LARP4: variants seen among roughly 807,000 people sequenced by gnomAD.
LARP4 encodes the protein La ribonucleoprotein 4, also known as la-related protein 4.
In LARP4, 29 loss-of-function variants were observed where a neutral mutation model predicts 92.9. That is an observed-to-expected ratio of 0.31 (90% CI 0.23 to 0.43). The LOEUF is 0.43. LARP4 is among the 20% of genes least tolerant of loss of function. LARP4 has a pLI of 1.00. For missense variants in LARP4, 732 were observed against 860.0 expected, an observed-to-expected ratio of 0.85 and a Z score of 1.86; for synonymous variants, 279 against 284.1, an observed-to-expected ratio of 0.98 and a Z score of 0.18.
At chr12:50,426,685 GTGTGTGTGTGTGTGTGTGTGTGT>G (rs1425586406) in intron 1 of LARP4, among the ~76,000 whole-genome samples, 4 of 34,202 alleles carry the variant, frequency 1.2e-4, no homozygotes, top group African/African-American at 2.2e-4. Context: ...TATGTTTGGG[GTGTGTGTGTGTGTGTGTGTGTGT>G]GTGTGTGTGT....
At chr12:50,468,562 G>C (rs1247315734) in intron 13 of LARP4, among the ~76,000 whole-genome samples, 3 of 152,082 alleles carry the variant, frequency 2.0e-5, no homozygotes, top group Non-Finnish European at 4.4e-5. Flanking sequence ...CTCCCAAAGT[G>C]CTGGGATTAC....
At chr12:50,462,363 C>G (rs1450381155) in intron 11 of LARP4, among the ~76,000 whole-genome samples, 1 of 151,964 alleles carries the variant, frequency 6.6e-6, no homozygotes, top group Non-Finnish European at 1.5e-5. Flanking sequence ...GCCTGTAATT[C>G]CAGCTACTCA....
rs1039294577 is a variant in LARP4 at position 50,441,613 on chromosome 12, A to C, written c.774A>C (p.Glu258Asp). The change falls in exon 8 of 16, where the codon GAA (glutamate) becomes GAC (aspartate). Residue 258 changes from glutamate to aspartate, a missense_variant. Coordinates refer to ENST00000398473, the MANE Select transcript of LARP4 (RefSeq NM_052879.5). The part of the protein sequence containing the change: ...AQQAFKYLRE[E>D]VKTFQGKPIM... ...AGGCTTTTAAATACTTAAGAGAAGA[A>C]GTTAAAACATTTCAGGGCAAGCCAA... 4 of 1,601,876 alleles carry C rather than the reference A, an allele frequency of 2.5e-6. No homozygotes were observed. The highest frequency in any genetic ancestry group is 3.4e-6 in the Non-Finnish European group (4 of 1,176,148).
chr12:50,449,803 A>G (rs1306187685), intron 8 of LARP4, among the ~76,000 whole-genome samples: 1 of 151,102 alleles, frequency 6.6e-6, no homozygotes, highest in Non-Finnish European at 1.5e-5. Flanking sequence ...TTGATTTTTT[A>G]GCCAATTTTT....
chr12:50,445,839 A>T (rs960361735), intron 8 of LARP4, among the ~76,000 whole-genome samples: 3 of 152,134 alleles, frequency 2.0e-5, no homozygotes, highest in African/African-American at 7.2e-5. Context: ...AATGTTATCC[A>T]TGAATATATG....
At chr12:50,458,981 T>C (rs1279792540) in intron 10 of LARP4, among the ~76,000 whole-genome samples, 4 of 152,128 alleles carry the variant, frequency 2.6e-5, no homozygotes, top group South Asian at 2.1e-4. Context: ...GATGGATGTT[T>C]AGTAAGATGC....
At chr12:50,408,186 G>GC (rs1555224523) in intron 1 of LARP4, among the ~76,000 whole-genome samples, 17 of 65,522 alleles carry the variant, frequency 2.6e-4, no homozygotes, top group East Asian at 7.2e-4. Flanking sequence ...AGGATTTTCT[G>GC]CTTTTTTTTT....
chr12:50,448,860 A>G (rs1301884576), intron 8 of LARP4, among the ~76,000 whole-genome samples: 2 of 152,214 alleles, frequency 1.3e-5, no homozygotes, highest in South Asian at 2.1e-4. Flanking sequence ...CAATATCATC[A>G]TTAGACTTTT....
intron 6 of LARP4, among the ~76,000 whole-genome samples, chr12:50,439,955 T>G (rs1418512199): frequency 6.6e-6 from 1 of 152,196 alleles, no homozygotes; most frequent in Non-Finnish European, 1.5e-5. Context: ...GCAAAGCAAC[T>G]GGATTAAATG....
chr12:50,471,723 G>A (rs887004898), intron 13 of LARP4, among the ~76,000 whole-genome samples: 3 of 152,126 alleles, frequency 2.0e-5, no homozygotes. Flanking sequence ...GTTTCGTCTT[G>A]TTGGCCAGGC....
At chr12:50,449,681 T>G (rs1187992539) in intron 8 of LARP4, among the ~76,000 whole-genome samples, 1 of 152,178 alleles carries the variant, frequency 6.6e-6, no homozygotes, top group Non-Finnish European at 1.5e-5. Flanking sequence ...TCTCTATCTA[T>G]TTTTCATTTA....
intron 10 of LARP4, among the ~76,000 whole-genome samples, chr12:50,456,251 T>C (rs1299988746): frequency 6.6e-6 from 1 of 152,320 alleles, no homozygotes; most frequent in Middle Eastern, 3.4e-3. Flanking sequence ...AGTATACCTA[T>C]GGTTTTGAAA....
In LARP4 at chr12:50,478,654, A is replaced by G. The variant is rs968331234; in HGVS notation, c.*2790A>G. ...GATACTCTGCCATAGTTCTTACTGCATGAAGAGAACAAGAGTCACACAAGT... is the reference window on the plus strand; with the variant it reads ...GATACTCTGCCATAGTTCTTACTGCGTGAAGAGAACAAGAGTCACACAAGT... On this transcript the variant is annotated 3_prime_UTR_variant, in exon 16 of 16. Coordinates refer to ENST00000398473, the MANE Select transcript of LARP4 (RefSeq NM_052879.5). 1.3e-5 allele frequency: 2 copies of G among 152,166 alleles called. No homozygotes were observed. Among genetic ancestry groups the G allele is most frequent in the African/African-American group, 2.4e-5 (1 of 41,460 alleles). The allele number at this position is 152,166 out of a possible 1,614,324, so 9.4% of individuals were successfully genotyped here.
intron 8 of LARP4, among the ~76,000 whole-genome samples, chr12:50,446,159 C>T (rs1025879177): frequency 1.9e-4 from 28 of 150,540 alleles, no homozygotes; most frequent in African/African-American, 6.6e-4. Flanking sequence ...CCTGCCATCA[C>T]GCTTGGCTGA....
chr12:50,457,201 C>CTT (rs780762988), intron 10 of LARP4, among the ~76,000 whole-genome samples: 8,951 of 119,058 alleles, frequency 0.075, 930 homozygotes, highest in East Asian at 0.37. Context: ...CATACCCGGC[C>CTT]TTTTTTTTTT....
chr12:50,433,471 T>C (rs556455831), intron 4 of LARP4, among the ~76,000 whole-genome samples: 4 of 152,240 alleles, frequency 2.6e-5, no homozygotes, highest in Non-Finnish European at 4.4e-5. Flanking sequence ...TTAGATGTTA[T>C]ATCCATTAAT....
chr12:50,426,484 A>G (rs1225394253), intron 1 of LARP4, among the ~76,000 whole-genome samples: 1 of 152,130 alleles, frequency 6.6e-6, no homozygotes, highest in Non-Finnish European at 1.5e-5. Context: ...TCCTGTGGGT[A>G]CAAAACAGGT....
At chr12:50,426,685 GT>G (rs1454029564) in intron 1 of LARP4, among the ~76,000 whole-genome samples, 8,861 of 34,126 alleles carry the variant, frequency 0.26, 1,002 homozygotes, top group African/African-American at 0.46. Flanking sequence ...TATGTTTGGG[GT>G]GTGTGTGTGT....
At chr12:50,412,503 T>A in intron 1 of LARP4, 1 of 715,166 alleles carries the variant, frequency 1.4e-6, no homozygotes, top group Non-Finnish European at 1.7e-6. Flanking sequence ...TTTTACCATA[T>A]TTATGGTGAT....
Sources: allele counts gnomAD v4.1 joint callset (sites outside exome capture counted in the v4.1 genomes callset), GRCh38; gene constraint gnomAD v4.1.1; transcripts MANE v1.5; gene names NCBI Gene and HGNC (gene_info 2026-07-23, HGNC 2026-07-21).